The following HS6ST3 variants were observed in gnomAD, a reference collection of about 807,000 sequenced individuals.
The protein encoded by HS6ST3 is heparan sulfate 6-O-sulfotransferase 3, also known as heparan-sulfate 6-O-sulfotransferase 3.
Under a neutral mutation model 36.7 loss-of-function variants are expected in HS6ST3, and 12 were observed. The ratio of observed to expected loss-of-function variants is 0.33; its 90% confidence interval spans 0.21 to 0.53. HS6ST3 has a LOEUF of 0.53. Ranked by LOEUF, HS6ST3 falls within the 20% of genes least tolerant of loss-of-function variation. HS6ST3 has a pLI of 0.95. For missense variants in HS6ST3, 584 were observed against 640.9 expected, an observed-to-expected ratio of 0.91 and a Z score of 0.96; for synonymous variants, 240 against 257.5, an observed-to-expected ratio of 0.93 and a Z score of 0.65.
At chr13:96,732,431 T>C (rs964560994) in intron 1 of HS6ST3, among the ~76,000 whole-genome samples, 1 of 152,160 alleles carries the variant, frequency 6.6e-6, no homozygotes, top group Non-Finnish European at 1.5e-5. Flanking sequence ...TGAAGTCTGT[T>C]TTTTCCCCGT....
chr13:96,455,271 G>A (rs1447455478), intron 1 of HS6ST3, among the ~76,000 whole-genome samples: 1 of 152,192 alleles, frequency 6.6e-6, no homozygotes, highest in Admixed American at 6.5e-5. Flanking sequence ...TGTCACCCAG[G>A]CTGGAGTGCA....
chr13:96,705,202 A>G (rs549984964), intron 1 of HS6ST3, among the ~76,000 whole-genome samples: 2 of 152,324 alleles, frequency 1.3e-5, no homozygotes, highest in South Asian at 2.1e-4. Context: ...GGACAAATGT[A>G]TAATGATTGG....
chr13:96,826,889 C>T (rs1293972084), intron 1 of HS6ST3, among the ~76,000 whole-genome samples: 1 of 152,152 alleles, frequency 6.6e-6, no homozygotes, highest in Non-Finnish European at 1.5e-5. Flanking sequence ...TAATCTTTCT[C>T]AGTACACAAG....
At chr13:96,358,310 C>G (rs953277410) in intron 1 of HS6ST3, among the ~76,000 whole-genome samples, 1 of 147,426 alleles carries the variant, frequency 6.8e-6, no homozygotes, top group African/African-American at 2.6e-5. Flanking sequence ...GGCTACCTAT[C>G]TAATACAAAG....
intron 1 of HS6ST3, among the ~76,000 whole-genome samples, chr13:96,432,303 C>T (rs886446469): frequency 3.9e-5 from 6 of 152,136 alleles, no homozygotes; most frequent in Non-Finnish European, 7.3e-5. Context: ...ATACATTTTA[C>T]ATTGCTTTCC....
At chr13:96,133,764 A>G (rs1820707372) in intron 1 of HS6ST3, among the ~76,000 whole-genome samples, 1 of 150,016 alleles carries the variant, frequency 6.7e-6, no homozygotes, top group Non-Finnish European at 1.5e-5. Context: ...TCATTTGTCT[A>G]TTTTTACTTT....
intron 1 of HS6ST3, among the ~76,000 whole-genome samples, chr13:96,217,636 A>G (rs1054683520): frequency 6.6e-6 from 1 of 152,192 alleles, no homozygotes; most frequent in African/African-American, 2.4e-5. Context: ...GAGACGTTTA[A>G]TAAATTCTGG....
intron 1 of HS6ST3, among the ~76,000 whole-genome samples, chr13:96,684,069 T>C (rs1874696862): frequency 6.6e-6 from 1 of 152,000 alleles, no homozygotes; most frequent in Admixed American, 6.6e-5. Flanking sequence ...GGGAAAGAAG[T>C]TTTGGGTGGC....
intron 1 of HS6ST3, among the ~76,000 whole-genome samples, chr13:96,401,136 C>T (rs1384052248): frequency 6.6e-6 from 1 of 152,076 alleles, no homozygotes; most frequent in Non-Finnish European, 1.5e-5. Flanking sequence ...GAGGCTGGAC[C>T]TTCCTTCTAT....
intron 1 of HS6ST3, among the ~76,000 whole-genome samples, chr13:96,673,945 G>C (rs1042964531): frequency 1.3e-5 from 2 of 151,880 alleles, no homozygotes; most frequent in Admixed American, 1.3e-4. Context: ...TGAGAAGATT[G>C]CTTCAAATGT....
chr13:96,267,382 A>C (rs1047744366), intron 1 of HS6ST3, among the ~76,000 whole-genome samples: 1 of 152,144 alleles, frequency 6.6e-6, no homozygotes, highest in African/African-American at 2.4e-5. Flanking sequence ...TAACCATTCT[A>C]AATCTTTTAG....
At chr13:96,638,293 A>G (rs2056556940) in intron 1 of HS6ST3, among the ~76,000 whole-genome samples, 1 of 152,124 alleles carries the variant, frequency 6.6e-6, no homozygotes, top group Non-Finnish European at 1.5e-5. Context: ...TATTGGGTGG[A>G]AAATATCTCA....
At chr13:96,174,761 T>C (rs557069567) in intron 1 of HS6ST3, among the ~76,000 whole-genome samples, 1 of 152,344 alleles carries the variant, frequency 6.6e-6, no homozygotes, top group South Asian at 2.1e-4. Context: ...GAATCCACTG[T>C]ATGATTGGAC....
Position 96,814,396 on chromosome 13 carries a change from G to C in HS6ST3, c.708-18094G>C, listed in dbSNP as rs567691160. ...TCTTCAGAGTTCTGATGAGAAAATC[G>C]TGGCGAGTTGATTTTTATTCCATAT... On this transcript the variant is annotated intron_variant, in intron 1 of 1. Coordinates refer to ENST00000376705, the MANE Select transcript of HS6ST3 (RefSeq NM_153456.4). Among the ~76,000 whole-genome samples the C allele has an allele frequency of 3.3e-5, 5 of 152,184 alleles. No individual in the cohort carries two copies. In the East Asian group the frequency reaches 9.6e-4, roughly 29 times the overall value.
intron 1 of HS6ST3, among the ~76,000 whole-genome samples, chr13:96,435,803 C>CT (rs60227298): frequency 7.2e-4 from 109 of 150,626 alleles, no homozygotes; most frequent in Middle Eastern, 3.4e-3. Flanking sequence ...GTTATCACTC[C>CT]TTTTTTTTTT....
At chr13:96,316,897 A>C (rs557350148) in intron 1 of HS6ST3, among the ~76,000 whole-genome samples, 1 of 152,306 alleles carries the variant, frequency 6.6e-6, no homozygotes, top group African/African-American at 2.4e-5. Flanking sequence ...TTTGCGTAGA[A>C]ATGATTTTTG....
intron 1 of HS6ST3, among the ~76,000 whole-genome samples, chr13:96,712,431 G>T (rs893605322): frequency 1.3e-5 from 2 of 152,176 alleles, no homozygotes; most frequent in Non-Finnish European, 2.9e-5. Flanking sequence ...GAATTTGTTA[G>T]ATTGGAATTT....
intron 1 of HS6ST3, among the ~76,000 whole-genome samples, chr13:96,096,479 T>A (rs926619687): frequency 1.3e-5 from 2 of 152,132 alleles, no homozygotes; most frequent in Non-Finnish European, 2.9e-5. Flanking sequence ...AAGCTGAGTG[T>A]GGGGTATCTT....
chr13:96,518,210 T>C (rs934024903), intron 1 of HS6ST3, among the ~76,000 whole-genome samples: 2 of 152,180 alleles, frequency 1.3e-5, no homozygotes, highest in Non-Finnish European at 2.9e-5. Flanking sequence ...CCTTAACAGA[T>C]TTTTATTAAA....
Sources: gnomAD v4.1 joint callset for allele counts (sites outside exome capture counted in the v4.1 genomes callset) on GRCh38, gnomAD v4.1.1 for gene constraint, MANE v1.5 for transcripts, NCBI Gene and HGNC (gene_info 2026-07-23, HGNC 2026-07-21) for gene names.